Variants in PRELID2 observed in about 807,000 individuals in gnomAD.
The protein encoded by PRELID2 is PRELI domain-containing protein 2.
PRELID2 carries 25 observed loss-of-function variants against 28.4 expected under a neutral mutation model. The observed-to-expected ratio is 0.88, with a 90% CI of 0.64 to 1.23. PRELID2 has a LOEUF of 1.23. Among genes scored for constraint, PRELID2 ranks in the 50% most tolerant of loss-of-function variants. PRELID2 has a pLI of 0.00. For missense variants in PRELID2, 201 were observed against 214.4 expected (o/e 0.94, Z 0.39); for synonymous variants, 76 against 71.6 (o/e 1.06, Z -0.31).
chr5:145,373,078 CAACATATATAATATAT>C, the PRELID2 span, among the ~76,000 whole-genome samples: 4 of 54,004 alleles, frequency 7.4e-5, no homozygotes, highest in Admixed American at 2.5e-4. Context: ...ATATATATTA[CAACATATATAATATAT>C]ATGATATATA....
chr5:145,237,050 T>C, the PRELID2 span, among the ~76,000 whole-genome samples: 1 of 152,242 alleles, frequency 6.6e-6, no homozygotes, highest in East Asian at 1.9e-4. Context: ...AGCAAAAGTA[T>C]TAGGAGGCAT....
In PRELID2 at chr5:145,824,860, C is replaced by T. The variant is rs370304839; in HGVS notation, c.76-1726G>A. 2.5e-3 allele frequency among the ~76,000 whole-genome samples: 385 copies of T among 152,108 alleles called. 3 individuals carry two copies. The highest frequency in any genetic ancestry group is 8.5e-3 in the African/African-American group (352 of 41,518). Reference sequence around the variant, plus strand: ...ATCCTGGAAACTGAAATCTTGATAACTGATGAAAAACTTGGTTTTTAAAAA... The same window carrying T: ...ATCCTGGAAACTGAAATCTTGATAATTGATGAAAAACTTGGTTTTTAAAAA... On this transcript the variant is annotated intron_variant, in intron 1 of 6. Coordinates refer to ENST00000683046, the MANE Select transcript of PRELID2 (RefSeq NM_205846.3).
intron 1 of PRELID2, among the ~76,000 whole-genome samples, chr5:145,486,699 A>G (rs1752221644): frequency 6.6e-6 from 1 of 152,212 alleles, no homozygotes; most frequent in Non-Finnish European, 1.5e-5. Context: ...GCATCAGTAG[A>G]ATACATCTTC....
the PRELID2 span, among the ~76,000 whole-genome samples, chr5:145,316,397 A>C: frequency 2.6e-5 from 4 of 152,296 alleles, no homozygotes; most frequent in Middle Eastern, 3.4e-3. Context: ...TGAAAACATC[A>C]ACCCATATTC....
At chr5:145,327,864 A>G in the PRELID2 span, among the ~76,000 whole-genome samples, 1 of 152,096 alleles carries the variant, frequency 6.6e-6, no homozygotes, top group Non-Finnish European at 1.5e-5. Flanking sequence ...TAAACATGCC[A>G]TGGTGGTTTG....
At chr5:145,831,452 G>A (rs1450023917) in intron 1 of PRELID2, among the ~76,000 whole-genome samples, 1 of 152,140 alleles carries the variant, frequency 6.6e-6, no homozygotes, top group Non-Finnish European at 1.5e-5. Flanking sequence ...AGTATAGGAT[G>A]GTGAAAATTG....
the PRELID2 span, among the ~76,000 whole-genome samples, chr5:145,320,095 A>G: frequency 6.6e-6 from 1 of 152,214 alleles, no homozygotes; most frequent in Non-Finnish European, 1.5e-5. Flanking sequence ...TTATGAATGG[A>G]ATACATTTTA....
chr5:145,265,454 A>G, the PRELID2 span, among the ~76,000 whole-genome samples: 83 of 152,248 alleles, frequency 5.5e-4, no homozygotes, highest in African/African-American at 1.9e-3. Flanking sequence ...TCTTCACACA[A>G]CTAGAAAAAA....
chr5:145,780,538 C>T (rs934892278), intron 5 of PRELID2, among the ~76,000 whole-genome samples: 5 of 152,214 alleles, frequency 3.3e-5, no homozygotes, highest in African/African-American at 1.2e-4. Context: ...ACATAAATGG[C>T]TCTACTGGAA....
At position 145,773,376 on chromosome 5, in the gene PRELID2, C is replaced by T. The variant is rs534042154; in HGVS notation, c.475-8376G>A. ...TTTTTCTATTTTACAAAGTTACTTCCGCCACCTTCCAATGTGACTCAATTA... is the reference window on the plus strand; with the variant it reads ...TTTTTCTATTTTACAAAGTTACTTCTGCCACCTTCCAATGTGACTCAATTA... On this transcript the variant is annotated intron_variant, in intron 5 of 6. Transcript: ENST00000683046. Among the ~76,000 whole-genome samples the T allele has an allele frequency of 3.3e-5, 5 of 152,236 alleles. No homozygotes were observed. In the East Asian group the frequency reaches 7.7e-4, roughly 23 times the overall value.
chr5:145,311,000 C>T, the PRELID2 span, among the ~76,000 whole-genome samples: 1 of 152,124 alleles, frequency 6.6e-6, no homozygotes, highest in Admixed American at 6.5e-5. Context: ...CTTTCAATCT[C>T]TTCCTCTCAA....
chr5:145,801,829 C>T (rs930259928), intron 4 of PRELID2, among the ~76,000 whole-genome samples: 1 of 152,136 alleles, frequency 6.6e-6, no homozygotes, highest in Admixed American at 6.6e-5. Context: ...TCTAAACATC[C>T]AGTAAGTCAC....
At chr5:145,609,291 C>T (rs1405126913) in intron 1 of PRELID2, among the ~76,000 whole-genome samples, 2 of 152,294 alleles carry the variant, frequency 1.3e-5, no homozygotes, top group African/African-American at 2.4e-5. Flanking sequence ...AGTTAAGAAC[C>T]ATTGCTGGGG....
At chr5:145,457,877 C>G in the PRELID2 span, among the ~76,000 whole-genome samples, 1 of 152,178 alleles carries the variant, frequency 6.6e-6, no homozygotes, top group Non-Finnish European at 1.5e-5. Flanking sequence ...TAGCAGGACT[C>G]CTTAAGGCCT....
In PRELID2 at chr5:145,821,152, G is replaced by GGGGTGTGTGTGTGTGTGTGTGTGTGTGT. The variant is rs1471788872; in HGVS notation, c.134-1135_134-1134insACACACACACACACACACACACACACCC. On this transcript the variant is annotated intron_variant, in intron 2 of 6. Transcript: ENST00000683046. ...ACCTGATGGTCATCCAACTCTCCTGGGTGTGTGTGTGTGTGTGTGTGTGTG... is the reference window on the plus strand; with the variant it reads ...ACCTGATGGTCATCCAACTCTCCTGGGGGTGTGTGTGTGTGTGTGTGTGTGTGTGTGTGTGTGTGTGTGTGTGTGTGTG... 6.0e-4 allele frequency among the ~76,000 whole-genome samples: 53 copies of GGGGTGTGTGTGTGTGTGTGTGTGTGTGT among 88,258 alleles called. 1 individual carries two copies. The highest frequency in any genetic ancestry group is 1.6e-3 in the African/African-American group (41 of 25,024). The allele number at this position is 88,258 out of a possible 152,430, so 57.9% of individuals were successfully genotyped here. A position where few individuals can be genotyped will look rare whatever the true frequency, so the allele number is the denominator to read the frequency against.
chr5:145,248,333 A>G, the PRELID2 span, among the ~76,000 whole-genome samples: 3 of 152,036 alleles, frequency 2.0e-5, no homozygotes, highest in African/African-American at 7.2e-5. Flanking sequence ...TTTGTACCAT[A>G]GGTTGGTTTT....
the PRELID2 span, among the ~76,000 whole-genome samples, chr5:145,245,228 T>G: frequency 7.9e-5 from 12 of 152,078 alleles, no homozygotes; most frequent in African/African-American, 2.9e-4. Flanking sequence ...AGCTACAGTT[T>G]AAACTGTCAC....
the PRELID2 span, among the ~76,000 whole-genome samples, chr5:145,422,214 T>C: frequency 3.4e-5 from 5 of 149,066 alleles, no homozygotes; most frequent in Non-Finnish European, 7.4e-5. Flanking sequence ...ATTCTGTTGA[T>C]TTGGGGTGGA....
intron 1 of PRELID2, among the ~76,000 whole-genome samples, chr5:145,741,824 AT>A (rs1192136496): frequency 4.9e-5 from 2 of 40,476 alleles, no homozygotes; most frequent in Non-Finnish European, 1.0e-4. Flanking sequence ...AAATATACAA[AT>A]ATTTATATAA....
Sources: allele counts gnomAD v4.1 joint callset (sites outside exome capture counted in the v4.1 genomes callset), GRCh38; gene constraint gnomAD v4.1.1; transcripts MANE v1.5; gene names NCBI Gene and HGNC (gene_info 2026-07-23, HGNC 2026-07-21).